RBFOX2: variants seen among roughly 807,000 people sequenced by gnomAD.
RBFOX2 encodes the protein RNA binding fox-1 homolog 2.
A neutral mutation model predicts 49.1 loss-of-function variants in RBFOX2; 10 were observed. The observed-to-expected ratio is 0.20, with a 90% CI of 0.13 to 0.35. The LOEUF (loss-of-function observed/expected upper bound fraction) is 0.35. Ranked by LOEUF, RBFOX2 falls within the 10% of genes least tolerant of loss-of-function variation. The pLI is 1.00. For missense variants in RBFOX2, 323 were observed against 486.9 expected, an observed-to-expected ratio of 0.66 and a Z score of 3.17; for synonymous variants, 183 against 187.4, an observed-to-expected ratio of 0.98 and a Z score of 0.19.
At chr22:35,756,114 A>G in intron 9 of RBFOX2, 4 of 1,502,852 alleles carry the variant, frequency 2.7e-6, no homozygotes, top group Non-Finnish European at 3.6e-6. Flanking sequence ...CATAGAGGTC[A>G]GCACCGTAAA....
chr22:35,947,672 T>TAAAAAAAAAAAAAAAAAAAAAAA (rs559788717), intron 1 of RBFOX2, among the ~76,000 whole-genome samples: 6 of 34,124 alleles, frequency 1.8e-4, no homozygotes, highest in East Asian at 1.2e-3. Flanking sequence ...GTTTAAAAAG[T>TAAAAAAAAAAAAAAAAAAAAAAA]AAAAAAAAAA....
At position 35,746,277 on chromosome 22, in the gene RBFOX2, G is replaced by A. The variant is rs552605118; in HGVS notation, c.976+196C>T. Among the ~76,000 whole-genome samples the A allele has an allele frequency of 5.3e-5, 8 of 152,354 alleles. No individual in the cohort carries two copies. In the South Asian group the frequency reaches 1.4e-3, roughly 28 times the overall value. ...AGAAGAGATGAGAACAAGAAAGAGG[G>A]AGTGGAGGACAGAGTCGGTGCCTTG... On this transcript the variant is annotated intron_variant, in intron 10 of 11. Transcript: ENST00000405409.
chr22:35,806,806 C>T (rs1209111848), intron 2 of RBFOX2, among the ~76,000 whole-genome samples: 5 of 152,076 alleles, frequency 3.3e-5, no homozygotes, highest in East Asian at 1.9e-4. Context: ...TAGCTGTGCA[C>T]TTTTTTCGGG....
At chr22:35,956,451 T>C (rs1216807525) in intron 1 of RBFOX2, among the ~76,000 whole-genome samples, 2 of 151,794 alleles carry the variant, frequency 1.3e-5, no homozygotes, top group Non-Finnish European at 2.9e-5. Context: ...AACCTCCACC[T>C]CCTGGGTTCA....
chr22:35,979,377 G>A (rs1336421110), intron 1 of RBFOX2, among the ~76,000 whole-genome samples: 2 of 152,194 alleles, frequency 1.3e-5, no homozygotes, highest in African/African-American at 4.8e-5. Flanking sequence ...TGGATGGATG[G>A]TCGCGTTGTA....
At chr22:35,814,437 G>A (rs1569232245) in intron 1 of RBFOX2, among the ~76,000 whole-genome samples, 1 of 151,962 alleles carries the variant, frequency 6.6e-6, no homozygotes, top group Non-Finnish European at 1.5e-5. Context: ...GGCCCTGCAT[G>A]GTGGCTCATG....
In RBFOX2 at chr22:35,759,383, A is replaced by C. The variant is rs1285446959; in HGVS notation, c.887+505T>G. Among the ~76,000 whole-genome samples the C allele has an allele frequency of 2.6e-5, 4 of 152,180 alleles. No homozygotes were observed. Among genetic ancestry groups the C allele is most frequent in the African/African-American group, 9.7e-5 (4 of 41,442 alleles). On this transcript the variant is annotated intron_variant, in intron 9 of 11. Coordinates refer to ENST00000405409, the Ensembl canonical transcript of RBFOX2. The surrounding 1 kb of genome is among the most constrained non-coding windows in gnomAD (Gnocchi z 4.6). The stretch of plus-strand genomic sequence containing the variant: ...AACCTCTTTTAATCCGTTTCCTACA[A>C]AGAAAGCAAATCCATTGTGGGTAAC...
At chr22:35,789,072 A>G (rs563241985) in intron 2 of RBFOX2, among the ~76,000 whole-genome samples, 52 of 152,310 alleles carry the variant, frequency 3.4e-4, no homozygotes, top group African/African-American at 1.1e-3. Flanking sequence ...AGAATTTTAG[A>G]AAGTTAATAT....
intron 2 of RBFOX2, among the ~76,000 whole-genome samples, chr22:35,803,365 A>G (rs992795574): frequency 2.6e-5 from 4 of 152,236 alleles, no homozygotes; most frequent in Admixed American, 6.5e-5. Context: ...ACGTTAAAGC[A>G]GTAAATACAA....
chr22:35,880,920 C>A (rs2045795546), intron 1 of RBFOX2, among the ~76,000 whole-genome samples: 1 of 152,148 alleles, frequency 6.6e-6, no homozygotes, highest in African/African-American at 2.4e-5. Context: ...ATATAGACAG[C>A]ATTCAAATGT....
rs1265069719 is a variant in RBFOX2 at position 35,821,786 on chromosome 22, C to A, written c.28-11782G>T. 9.6e-6 allele frequency: 5 copies of A among 518,664 alleles called. No individual in the cohort carries two copies. In the Admixed American group the frequency reaches 9.7e-5, roughly 10 times the overall value. The allele number at this position is 518,664 out of a possible 1,614,324, so 32.1% of individuals were successfully genotyped here. A position where few individuals can be genotyped will look rare whatever the true frequency, so the allele number is the denominator to read the frequency against. Reference sequence around the variant, plus strand: ...AAGCTTTGGCAACACATACTCAGTACACACCTGATCTACCCATAGGACTGT... The same window carrying A: ...AAGCTTTGGCAACACATACTCAGTAAACACCTGATCTACCCATAGGACTGT... On this transcript the variant is annotated intron_variant, in intron 1 of 11. Coordinates refer to ENST00000405409, the Ensembl canonical transcript of RBFOX2.
At chr22:35,751,631 G>T (rs1209739619) in intron 9 of RBFOX2, among the ~76,000 whole-genome samples, 1 of 152,078 alleles carries the variant, frequency 6.6e-6, no homozygotes. Flanking sequence ...GTGGCAAAAT[G>T]GCATCACTGA....
intron 1 of RBFOX2, among the ~76,000 whole-genome samples, chr22:36,011,429 T>C (rs577017419): frequency 1.3e-5 from 2 of 152,310 alleles, no homozygotes; most frequent in East Asian, 1.9e-4. Context: ...CAAGGGACAT[T>C]TGGACATGGT....
At chr22:35,965,941 T>C (rs532344927), upstream of RBFOX2, among the ~76,000 whole-genome samples, 28 of 152,254 alleles carry the variant, frequency 1.8e-4, no homozygotes, top group African/African-American at 6.7e-4. Flanking sequence ...TCAATGAATT[T>C]TCACAAAGTG....
chr22:35,882,763 G>A (rs1165057726), intron 1 of RBFOX2, among the ~76,000 whole-genome samples: 4 of 152,226 alleles, frequency 2.6e-5, no homozygotes, highest in African/African-American at 7.2e-5. Context: ...TACGGGGGTG[G>A]GAAATCCTCT....
intron 1 of RBFOX2, among the ~76,000 whole-genome samples, chr22:35,895,909 G>A (rs1472270675): frequency 2.6e-5 from 4 of 152,200 alleles, no homozygotes; most frequent in African/African-American, 9.6e-5. Context: ...CATTTATTAA[G>A]TACTTCCTAT....
intron 9 of RBFOX2, chr22:35,748,764 C>T (rs1184455906): frequency 6.6e-6 from 1 of 152,062 alleles, no homozygotes. Context: ...TTCATGTTTA[C>T]CTAGGTAAAA....
At chr22:35,779,480 C>T (rs930237201) in intron 3 of RBFOX2, among the ~76,000 whole-genome samples, 1 of 152,082 alleles carries the variant, frequency 6.6e-6, no homozygotes, top group Non-Finnish European at 1.5e-5. Flanking sequence ...AGTAAGACAT[C>T]TTGGTTTGGT....
At chr22:35,920,908 C>A (rs1157885105) in intron 1 of RBFOX2, among the ~76,000 whole-genome samples, 6 of 152,078 alleles carry the variant, frequency 3.9e-5, no homozygotes, top group African/African-American at 1.4e-4. Context: ...TAATCAACAA[C>A]AAAACGTTAA....
Sources: gnomAD v4.1 joint callset for allele counts (sites outside exome capture counted in the v4.1 genomes callset) on GRCh38, gnomAD v4.1.1 for gene constraint, Gnocchi (gnomAD v3.1) non-coding constraint, MANE v1.5 for transcripts, NCBI Gene and HGNC (gene_info 2026-07-23, HGNC 2026-07-21) for gene names.